Variants in NELL1 observed in about 807,000 individuals in gnomAD.
The protein encoded by NELL1 is protein kinase C-binding protein NELL1.
In NELL1, 76 loss-of-function variants were observed where a neutral mutation model predicts 107.4. That is an observed-to-expected ratio of 0.71 (90% confidence interval 0.59 to 0.86). The LOEUF is 0.86. Ranked by LOEUF, NELL1 falls within the 40% of genes least tolerant of loss-of-function variation. NELL1 has a pLI of 0.00. For missense variants in NELL1, 1,024 were observed against 1,005.5 expected, an observed-to-expected ratio of 1.02 and a Z score of -0.25; for synonymous variants, 353 against 341.2, an observed-to-expected ratio of 1.03 and a Z score of -0.38.
At chr11:20,952,018 G>C (rs916449845) in intron 11 of NELL1, among the ~76,000 whole-genome samples, 3 of 149,858 alleles carry the variant, frequency 2.0e-5, no homozygotes, top group Non-Finnish European at 3.0e-5. Context: ...AGCAGAAAAA[G>C]ACTGCTCGTG....
Position 20,813,006 on chromosome 11 carries a change from C to CAAAAA in NELL1, c.335+29213_335+29217dup, listed in dbSNP as rs869187456. On this transcript the variant is annotated intron_variant, in intron 3 of 19. Transcript: ENST00000357134. ...CCTGGGCGACAGCGAGACTCCGTCT[C>CAAAAA]AAAAAAAAAAAAAAAAAAAAAAAAA... is the stretch of plus-strand genomic sequence containing the variant. 6.4e-4 allele frequency among the ~76,000 whole-genome samples: 39 copies of CAAAAA among 61,266 alleles called. 1 individual carries two copies. The highest frequency in any genetic ancestry group is 1.4e-3 in the African/African-American group (20 of 14,482). 40.2% of individuals were successfully genotyped at this position (61,266 alleles called of 152,430 possible).
intron 5 of NELL1, among the ~76,000 whole-genome samples, chr11:20,891,821 A>G (rs1849622290): frequency 6.6e-6 from 1 of 152,218 alleles, no homozygotes; most frequent in Admixed American, 6.6e-5. Flanking sequence ...AACTATCCTA[A>G]ATACATATAT....
At chr11:21,301,040 C>G (rs1849480854) in intron 14 of NELL1, among the ~76,000 whole-genome samples, 1 of 152,074 alleles carries the variant, frequency 6.6e-6, no homozygotes, top group Admixed American at 6.6e-5. Flanking sequence ...ATGATGGTTT[C>G]CAGCTTCATC....
intron 12 of NELL1, among the ~76,000 whole-genome samples, chr11:20,967,945 A>G (rs1158032785): frequency 1.3e-5 from 2 of 152,040 alleles, no homozygotes; most frequent in Non-Finnish European, 2.9e-5. Context: ...TTCCCATCAC[A>G]CTGGAATTCT....
chr11:21,433,290 T>A (rs1853015353), intron 15 of NELL1, among the ~76,000 whole-genome samples: 1 of 152,214 alleles, frequency 6.6e-6, no homozygotes, highest in Admixed American at 6.5e-5. Context: ...GATGGGCATG[T>A]GGGGTTATTA....
At chr11:20,963,822 TAAAAC>T (rs771219472) in intron 12 of NELL1, among the ~76,000 whole-genome samples, 64 of 152,264 alleles carry the variant, frequency 4.2e-4, no homozygotes, top group Non-Finnish European at 7.4e-4. Context: ...GCTTGCAAAT[TAAAAC>T]AAAATATTAC....
chr11:21,557,177 T>C (rs1352655497), intron 16 of NELL1, among the ~76,000 whole-genome samples: 2 of 152,022 alleles, frequency 1.3e-5, no homozygotes, highest in African/African-American at 4.8e-5. Context: ...CTAAATTGCA[T>C]GGAAACAGAA....
chr11:20,848,100 C>G (rs974295764), intron 4 of NELL1, among the ~76,000 whole-genome samples: 2 of 152,108 alleles, frequency 1.3e-5, no homozygotes, highest in Non-Finnish European at 2.9e-5. Context: ...TTGTTGAGTT[C>G]GTTCCACTGG....
chr11:21,304,570 T>TC, intron 14 of NELL1, among the ~76,000 whole-genome samples: 1 of 139,026 alleles, frequency 7.2e-6, no homozygotes. Flanking sequence ...TTTTGTCTGT[T>TC]TTTTTTTTTC....
intron 4 of NELL1, among the ~76,000 whole-genome samples, chr11:20,874,383 C>A (rs1166109916): frequency 6.6e-6 from 1 of 152,124 alleles, no homozygotes; most frequent in East Asian, 1.9e-4. Flanking sequence ...TTTTTAATAG[C>A]AGAATTAATT....
At chr11:21,223,798 G>T (rs368368359) in intron 13 of NELL1, among the ~76,000 whole-genome samples, 4 of 151,974 alleles carry the variant, frequency 2.6e-5, no homozygotes, top group African/African-American at 7.2e-5. Flanking sequence ...AATATATATT[G>T]CCCTACACTT....
intron 14 of NELL1, among the ~76,000 whole-genome samples, chr11:21,281,371 G>A (rs59068907): frequency 0.015 from 2,236 of 152,126 alleles, 66 homozygotes; most frequent in African/African-American, 0.051. Flanking sequence ...TGATTTGAGT[G>A]CCAGTTCAAT....
rs551624078 is a variant in NELL1 at position 20,862,729 on chromosome 11, C to T, written c.506+14976C>T. Among the ~76,000 whole-genome samples, 143 of 149,908 alleles carry T rather than the reference C, an allele frequency of 9.5e-4. 2 individuals carry two copies. The highest frequency in any genetic ancestry group is 4.0e-4 in the East Asian group (2 of 4,988). ...TAAACAAGTGAACAAAGGTCTCTGG[C>T]TTTCCTAGGCAGAGGACCCTGGCCT... On this transcript the variant is annotated intron_variant, in intron 4 of 19. Transcript: ENST00000357134.
intron 14 of NELL1, among the ~76,000 whole-genome samples, chr11:21,331,740 A>G (rs889298742): frequency 1.3e-5 from 2 of 152,092 alleles, no homozygotes; most frequent in Admixed American, 6.6e-5. Context: ...TTCTAACCAC[A>G]GGAGGTCTCT....
intron 15 of NELL1, among the ~76,000 whole-genome samples, chr11:21,423,478 TAAAAC>T (rs1342328622): frequency 6.6e-6 from 1 of 151,660 alleles, no homozygotes; most frequent in East Asian, 1.9e-4. Flanking sequence ...CAAAAATAAA[TAAAAC>T]AAAAGTGACA....
chr11:20,843,984 T>G (rs1019329592), intron 3 of NELL1, among the ~76,000 whole-genome samples: 17 of 152,122 alleles, frequency 1.1e-4, no homozygotes, highest in African/African-American at 4.1e-4. Flanking sequence ...GCTAAGTAAA[T>G]ACAGGTTGGA....
chr11:21,172,823 G>C (rs1257776354), intron 13 of NELL1, among the ~76,000 whole-genome samples: 1 of 151,634 alleles, frequency 6.6e-6, no homozygotes, highest in Admixed American at 6.6e-5. Context: ...GCTTAACCTA[G>C]ATATTTTGGG....
chr11:20,786,708 T>C (rs7479167), intron 3 of NELL1, among the ~76,000 whole-genome samples: 2,180 of 151,538 alleles, frequency 0.014, 22 homozygotes, highest in Admixed American at 0.022. Flanking sequence ...GGAGTGAAAG[T>C]TTATTAAAAA....
chr11:20,816,721 T>C (rs762453638), intron 3 of NELL1, among the ~76,000 whole-genome samples: 6 of 152,196 alleles, frequency 3.9e-5, no homozygotes, highest in Non-Finnish European at 7.4e-5. Context: ...TTATTCCAGT[T>C]CTTAAAGGGA....
Sources: gnomAD v4.1 joint callset for allele counts (sites outside exome capture counted in the v4.1 genomes callset) on GRCh38, gnomAD v4.1.1 for gene constraint, MANE v1.5 for transcripts, NCBI Gene and HGNC (gene_info 2026-07-23, HGNC 2026-07-21) for gene names.